The following NKAIN2 variants were observed in gnomAD, a reference collection of about 807,000 sequenced individuals.
The protein encoded by NKAIN2 is sodium/potassium transporting ATPase interacting 2.
A neutral mutation model predicts 32.6 loss-of-function variants in NKAIN2; 14 were observed. The observed-to-expected ratio is 0.43, with a 90% CI of 0.28 to 0.67. The LOEUF (loss-of-function observed/expected upper bound fraction) is 0.67, where lower values mean the gene tolerates loss of function less well. NKAIN2 is among the 30% of genes least tolerant of loss of function. The pLI is 0.17. For synonymous variants in NKAIN2, 80 were observed against 87.2 expected, an observed-to-expected ratio of 0.92 and a Z score of 0.46; for missense variants, 198 against 258.3, an observed-to-expected ratio of 0.77 and a Z score of 1.60.
intron 5 of NKAIN2, among the ~76,000 whole-genome samples, chr6:124,799,516 C>T (rs933828079): frequency 3.9e-5 from 6 of 151,954 alleles, no homozygotes; most frequent in Admixed American, 1.3e-4. Flanking sequence ...CTGATATTTC[C>T]AAGTCAAGAA....
intron 3 of NKAIN2, among the ~76,000 whole-genome samples, chr6:124,511,864 G>A (rs1778727514): frequency 6.6e-6 from 1 of 152,130 alleles, no homozygotes; most frequent in Admixed American, 6.5e-5. Flanking sequence ...TTAAAAGAGA[G>A]GTGAATAGTC....
At chr6:124,500,689 A>T (rs1468190628) in intron 3 of NKAIN2, among the ~76,000 whole-genome samples, 9 of 151,418 alleles carry the variant, frequency 5.9e-5, no homozygotes, top group African/African-American at 2.2e-4. Flanking sequence ...AATAAATAAT[A>T]AAATAAATAA....
chr6:123,843,150 G>C (rs1333966783), intron 1 of NKAIN2, among the ~76,000 whole-genome samples: 1 of 152,170 alleles, frequency 6.6e-6, no homozygotes, highest in Non-Finnish European at 1.5e-5. Flanking sequence ...CACAGCTTAA[G>C]CGTTAAACAC....
chr6:123,979,886 T>G (rs1450094805), intron 1 of NKAIN2, among the ~76,000 whole-genome samples: 1 of 147,414 alleles, frequency 6.8e-6, no homozygotes, highest in Non-Finnish European at 1.5e-5. Flanking sequence ...CTTGTTTTTT[T>G]CTCTCTCTCT....
rs1004193917 is a variant in NKAIN2, at chr6:124,590,089, T to C, written c.274-68097T>C. 2.6e-5 allele frequency among the ~76,000 whole-genome samples: 4 copies of C among 152,330 alleles called. No homozygotes were observed. The South Asian group carries it at 8.3e-4, about 32-fold the overall frequency. On this transcript the variant is annotated intron_variant, in intron 3 of 6. Transcript: ENST00000368417. ...TGTCCATTCCTTTCTATTGTGCTGC[T>C]GCCCTGAGCTGCTGGCTGTGAGTTG...
At chr6:124,283,585 C>T (rs78629951) in intron 2 of NKAIN2, among the ~76,000 whole-genome samples, 3,606 of 152,178 alleles carry the variant, frequency 0.024, 72 homozygotes, top group East Asian at 0.1. Context: ...TAATATTTGG[C>T]GTATGAGAAA....
At chr6:124,072,698 T>C (rs1783518203) in intron 1 of NKAIN2, among the ~76,000 whole-genome samples, 3 of 152,174 alleles carry the variant, frequency 2.0e-5, no homozygotes, top group Admixed American at 2.0e-4. Context: ...ATAAAAATGC[T>C]GCAAGTTCCT....
intron 1 of NKAIN2, among the ~76,000 whole-genome samples, chr6:124,035,542 A>G (rs1422155035): frequency 1.3e-5 from 2 of 151,576 alleles, no homozygotes; most frequent in African/African-American, 2.4e-5. Flanking sequence ...TTTCCCAGCC[A>G]CTCCACTTGC....
chr6:124,186,113 C>G (rs1789714114), intron 1 of NKAIN2, among the ~76,000 whole-genome samples: 1 of 111,080 alleles, frequency 9.0e-6, no homozygotes, highest in Non-Finnish European at 1.7e-5. Context: ...AAGACCCTGT[C>G]TTTACAAAAA....
intron 3 of NKAIN2, among the ~76,000 whole-genome samples, chr6:124,411,591 C>G (rs1443932517): frequency 2.6e-5 from 4 of 152,238 alleles, no homozygotes; most frequent in African/African-American, 9.6e-5. Flanking sequence ...GTAACCTGAC[C>G]TTTCTCTCTG....
At chr6:124,505,036 A>G (rs1562225963) in intron 3 of NKAIN2, among the ~76,000 whole-genome samples, 2 of 152,312 alleles carry the variant, frequency 1.3e-5, no homozygotes, top group East Asian at 3.9e-4. Context: ...TGATGTGTTG[A>G]TCACAGAAAT....
At chr6:124,107,700 C>T (rs1785185984) in intron 1 of NKAIN2, among the ~76,000 whole-genome samples, 1 of 152,104 alleles carries the variant, frequency 6.6e-6, no homozygotes, top group South Asian at 2.1e-4. Context: ...TCTTATTTCC[C>T]CACCTCTCTT....
chr6:124,273,467 T>C (rs575121947), intron 1 of NKAIN2, among the ~76,000 whole-genome samples: 2 of 152,292 alleles, frequency 1.3e-5, no homozygotes, highest in Non-Finnish European at 2.9e-5. Context: ...TAATTAAACC[T>C]CCATTCTCTA....
At chr6:124,035,627 G>A (rs1054008381) in intron 1 of NKAIN2, among the ~76,000 whole-genome samples, 1 of 151,960 alleles carries the variant, frequency 6.6e-6, no homozygotes, top group Admixed American at 6.6e-5. Context: ...AAAAGTGATG[G>A]GCACACAAAA....
chr6:123,943,403 GTCATT>G (rs1196336337), intron 1 of NKAIN2, among the ~76,000 whole-genome samples: 6 of 151,924 alleles, frequency 3.9e-5, no homozygotes, highest in Middle Eastern at 3.2e-3. Flanking sequence ...TAGGAAAACT[GTCATT>G]GCAAAGATAT....
intron 1 of NKAIN2, among the ~76,000 whole-genome samples, chr6:123,897,047 T>A (rs2114397696): frequency 6.6e-6 from 1 of 152,274 alleles, no homozygotes; most frequent in South Asian, 2.1e-4. Flanking sequence ...TTGATATGAA[T>A]CTCTTTCTTC....
chr6:124,259,237 AT>A (rs1794104052), intron 1 of NKAIN2, among the ~76,000 whole-genome samples: 1 of 152,260 alleles, frequency 6.6e-6, no homozygotes, highest in South Asian at 2.1e-4. Flanking sequence ...ATGGAATAAA[AT>A]TGGAGGTTTA....
intron 1 of NKAIN2, among the ~76,000 whole-genome samples, chr6:123,905,437 TA>T (rs1386197168): frequency 6.6e-6 from 1 of 152,126 alleles, no homozygotes; most frequent in African/African-American, 2.4e-5. Context: ...TATTGGGCCA[TA>T]AACAAAGCTG....
intron 1 of NKAIN2, among the ~76,000 whole-genome samples, chr6:123,846,366 A>T (rs545120345): frequency 4.6e-5 from 7 of 152,288 alleles, no homozygotes; most frequent in Non-Finnish European, 1.0e-4. Flanking sequence ...TGAACCCTGA[A>T]CTTGCTTCTA....
Sources: allele counts gnomAD v4.1 joint callset (sites outside exome capture counted in the v4.1 genomes callset), GRCh38; gene constraint gnomAD v4.1.1; transcripts MANE v1.5; gene names NCBI Gene and HGNC (gene_info 2026-07-23, HGNC 2026-07-21).